The following RFC2 variants were observed in gnomAD, a reference collection of about 807,000 sequenced individuals.
The protein encoded by RFC2 is replication factor C subunit 2.
RFC2 carries 34 observed loss-of-function variants against 44.8 expected under a neutral mutation model. The ratio of observed to expected loss-of-function variants is 0.76; its 90% CI spans 0.58 to 1.01. The LOEUF (loss-of-function observed/expected upper bound fraction) is 1.01, where lower values mean the gene tolerates loss of function less well. Among genes scored for constraint, RFC2 ranks in the 50% least tolerant of loss-of-function variants. RFC2 has a pLI of 0.00. For missense variants in RFC2, 400 were observed against 453.6 expected (o/e 0.88, Z 1.07); for synonymous variants, 177 against 168.9 (o/e 1.05, Z -0.37).
Position 74,238,884 on chromosome 7 carries a change from G to T in RFC2, c.759+39C>A, listed in dbSNP as rs373579673. ...CCCACTGGCCCCCACAGGGAAGCAC[G>T]GCTTCTGCTGACAGTACCACCCACA... On this transcript the variant is annotated intron_variant, in intron 8 of 10. Transcript: ENST00000055077. The surrounding 1 kb of genome is among the most constrained non-coding windows in gnomAD (Gnocchi z 4.0). 3 of 1,551,428 alleles carry T rather than the reference G, an allele frequency of 1.9e-6. No individual in the cohort carries two copies. The highest frequency in any genetic ancestry group is 2.2e-5 in the East Asian group (1 of 44,554).
rs1554721553 is a variant in RFC2, at chr7:74,254,263, G to A, written c.113+8C>T. ...AACGCGCCCATTCTTTACGGCCTGG[G>A]ACCTCACCACGGCAGTTCGTAGTGG... On this transcript the variant is annotated splice_region_variant and intron_variant, in intron 1 of 10. Coordinates refer to ENST00000055077, the MANE Select transcript of RFC2 (RefSeq NM_181471.3). 6.2e-7 allele frequency: 1 copy of A among 1,601,138 alleles called. No homozygotes were observed. Among genetic ancestry groups the A allele is most frequent in the South Asian group, 1.1e-5 (1 of 90,708 alleles).
chr7:74,241,391 C>T (rs182801504), intron 6 of RFC2, among the ~76,000 whole-genome samples: 20 of 152,348 alleles, frequency 1.3e-4, no homozygotes, highest in African/African-American at 4.8e-4. Flanking sequence ...TGAATCAATG[C>T]ACAAATCAGT....
Position 74,248,080 on chromosome 7 carries a change from C to A in RFC2, c.332+932G>T, listed in dbSNP as rs564405230. ...AAAGTGCTGGGATTATAGGCATGAA[C>A]CACCATGCCTGGCCGGCCTTCCATA... is the stretch of plus-strand genomic sequence containing the variant. On this transcript the variant is annotated intron_variant, in intron 4 of 10. Transcript: ENST00000055077. Among the ~76,000 whole-genome samples the A allele has an allele frequency of 3.0e-4, 45 of 152,130 alleles. No individual in the cohort carries two copies. The South Asian group carries it at 8.3e-3, about 28-fold the overall frequency.
chr7:74,237,851 A>G (rs1167193877), intron 8 of RFC2, among the ~76,000 whole-genome samples: 1 of 152,086 alleles, frequency 6.6e-6, no homozygotes, highest in Non-Finnish European at 1.5e-5. Context: ...GGCCTTCCCT[A>G]CAAAAGGTCC....
At chr7:74,248,151 GACCA>G (rs1803729991) in intron 4 of RFC2, among the ~76,000 whole-genome samples, 1 of 151,944 alleles carries the variant, frequency 6.6e-6, no homozygotes, top group South Asian at 2.1e-4. Flanking sequence ...TAATGCTTGG[GACCA>G]GAAATATTTC....
At chr7:74,246,848 G>A (rs1803640632) in intron 4 of RFC2, 85 bp from the exon 5 acceptor site, 2 of 734,720 alleles carry the variant, frequency 2.7e-6, no homozygotes, top group Non-Finnish European at 4.4e-6. Flanking sequence ...CGGTATATCA[G>A]GGACTGTGAG....
chr7:74,239,044 T>TTATTTATTTCTTTTTGAGCCC, intron 7 of RFC2, 56 bp from the exon 8 acceptor site: 3 of 1,433,472 alleles, frequency 2.1e-6, no homozygotes, highest in Non-Finnish European at 2.9e-6. Context: ...TCTTTTTGAG[T>TTATTTATTTCTTTTTGAGCCC]AGAGACAGGA....
In RFC2 at chr7:74,243,214, CT is replaced by C; in HGVS notation, c.466del (p.Arg156GlufsTer38). Reference protein sequence around the residue: ...MTDGAQQALRRTMEIYSKTTR... With the variant: ...MTDGAQQALRXTMEIYSKTTR... ...GGTTTTAGAGTAGATTTCCATGGTT[CT>C]CCTCAAGGCTTGCTGGGCTCCGTCG... is the stretch of plus-strand genomic sequence containing the variant. On this transcript the variant is annotated frameshift_variant, in exon 6 of 11. Coordinates refer to ENST00000055077, the MANE Select transcript of RFC2 (RefSeq NM_181471.3). LOFTEE classifies it high-confidence loss of function. The C allele has an allele frequency of 6.2e-7, 1 of 1,613,856 alleles. No homozygotes were observed. The highest frequency in any genetic ancestry group is 1.3e-5 in the African/African-American group (1 of 75,044).
At chr7:74,235,100 G>A (rs551511598) in intron 10 of RFC2, among the ~76,000 whole-genome samples, 3 of 152,158 alleles carry the variant, frequency 2.0e-5, no homozygotes, top group South Asian at 2.1e-4. Context: ...GCAGTGGTGC[G>A]ATCTTGGCTC....
intron 6 of RFC2, among the ~76,000 whole-genome samples, chr7:74,242,056 C>G (rs1554719357): frequency 1.3e-5 from 2 of 152,138 alleles, no homozygotes; most frequent in Non-Finnish European, 2.9e-5. Context: ...CAGAAGCAGA[C>G]AGGCTGCAGG....
chr7:74,246,557 T>C (rs565654160), intron 5 of RFC2, 105 bp downstream of exon 5: 35 of 663,824 alleles, frequency 5.3e-5, no homozygotes, highest in African/African-American at 2.8e-4. Context: ...TTGTGGAAGA[T>C]ATGATAAGCA....
At chr7:74,243,740 G>T (rs1302902576) in intron 5 of RFC2, among the ~76,000 whole-genome samples, 1 of 150,104 alleles carries the variant, frequency 6.7e-6, no homozygotes, top group Non-Finnish European at 1.5e-5. Flanking sequence ...CGGGAGGACC[G>T]CTTGAGACCA....
chr7:74,237,492 A>G, intron 8 of RFC2, 50 bp from the exon 9 acceptor site: 1 of 1,300,018 alleles, frequency 7.7e-7, no homozygotes, highest in Non-Finnish European at 1.1e-6. Flanking sequence ...GGACAATGTG[A>G]GCGGGGAGGC....
Position 74,239,995 on chromosome 7 carries a change from G to A in RFC2, c.636C>T (p.Pro212=). The part of the protein sequence containing the change: ...LMNVIEKERV[P]YTDDGLEAII... ...TGGCTTCTAGGCCGTCATCAGTGTAGGGTACCCTCTCCTTCTCGATAACAT... is the reference window on the plus strand; with the variant it reads ...TGGCTTCTAGGCCGTCATCAGTGTAAGGTACCCTCTCCTTCTCGATAACAT... The change falls in exon 7 of 11, where the codon CCC becomes CCT. Residue 212 remains proline (P), a synonymous_variant. Transcript: ENST00000055077. The A allele has an allele frequency of 6.2e-7, 1 of 1,613,632 alleles. No homozygotes were observed. Among genetic ancestry groups the A allele is most frequent in the South Asian group, 1.1e-5 (1 of 91,002 alleles).
chr7:74,251,873 A>G (rs1284275426), intron 2 of RFC2, among the ~76,000 whole-genome samples: 12 of 132,156 alleles, frequency 9.1e-5, no homozygotes, highest in Admixed American at 3.1e-4. Flanking sequence ...CGAGGTGGGC[A>G]GATCACGAGG....
At chr7:74,247,893 G>T (rs1191680914) in intron 4 of RFC2, among the ~76,000 whole-genome samples, 2 of 152,132 alleles carry the variant, frequency 1.3e-5, no homozygotes, top group African/African-American at 4.8e-5. Context: ...ATTCACTTTT[G>T]CTCAAGTCCC....
At chr7:74,232,407 C>A (rs552890959) in intron 10 of RFC2, among the ~76,000 whole-genome samples, 191 bp from the exon 11 acceptor site, 2 of 132,562 alleles carry the variant, frequency 1.5e-5, no homozygotes, top group East Asian at 4.8e-4. Context: ...ACCTAAAGTT[C>A]TATTTATTTC....
intron 3 of RFC2, among the ~76,000 whole-genome samples, chr7:74,249,474 G>A (rs1803808440): frequency 6.6e-6 from 1 of 152,096 alleles, no homozygotes; most frequent in South Asian, 2.1e-4. Flanking sequence ...CTGGGAGGGA[G>A]AGGTTGCGGT....
chr7:74,238,858 C>A lies in RFC2; in HGVS notation c.759+65G>T. The A allele has an allele frequency of 7.4e-7, 1 of 1,344,258 alleles. No individual in the cohort carries two copies. Among genetic ancestry groups the A allele is most frequent in the African/African-American group, 1.4e-5 (1 of 69,572 alleles). 83.3% of individuals were successfully genotyped at this position (1,344,258 alleles called of 1,614,324 possible). A position where few individuals can be genotyped will look rare whatever the true frequency, so the allele number is the denominator to read the frequency against. ...CCCCACTGCCAGCCCAGCCCTTCAG[C>A]CCCACTGGCCCCCACAGGGAAGCAC... is the stretch of plus-strand genomic sequence containing the variant. On this transcript the variant is annotated intron_variant, in intron 8 of 10. Coordinates refer to ENST00000055077, the MANE Select transcript of RFC2 (RefSeq NM_181471.3). The surrounding 1 kb of genome is among the most constrained non-coding windows in gnomAD (Gnocchi z 4.0).
Sources: gnomAD v4.1 joint callset for allele counts (sites outside exome capture counted in the v4.1 genomes callset) on GRCh38, gnomAD v4.1.1 for gene constraint, Gnocchi (gnomAD v3.1) non-coding constraint, MANE v1.5 for transcripts, NCBI Gene and HGNC (gene_info 2026-07-23, HGNC 2026-07-21) for gene names.